COG6: variants seen among roughly 807,000 people sequenced by gnomAD.
COG6 encodes the protein conserved oligomeric Golgi complex subunit 6.
In COG6, 74 loss-of-function variants were observed where a neutral mutation model predicts 88.8. The observed-to-expected ratio is 0.83, with a 90% confidence interval of 0.69 to 1.01. COG6 has a LOEUF of 1.01. COG6 is among the 50% of genes least tolerant of loss of function. COG6 has a pLI of 0.00. For missense variants in COG6, 800 were observed against 797.9 expected (o/e 1.00, Z -0.03); for synonymous variants, 286 against 278.7 (o/e 1.03, Z -0.26).
chr13:39,756,374 G>C (rs191625625), downstream of COG6, among the ~76,000 whole-genome samples: 8 of 152,016 alleles, frequency 5.3e-5, no homozygotes, highest in Admixed American at 5.2e-4. Context: ...ATGAATGAAA[G>C]AAAATAGCCT....
At chr13:39,694,827 C>A in intron 12 of COG6, 102 bp downstream of exon 12, 1 of 648,916 alleles carries the variant, frequency 1.5e-6, no homozygotes, top group Non-Finnish European at 2.8e-6. Context: ...AGTAATTATA[C>A]ACTAAGTATA....
intron 13 of COG6, among the ~76,000 whole-genome samples, chr13:39,713,889 AGTTT>A (rs1365163406): frequency 2.0e-5 from 3 of 152,202 alleles, no homozygotes; most frequent in South Asian, 4.1e-4. Flanking sequence ...ATAGTCACAA[AGTTT>A]GTTTATCTGA....
chr13:39,686,207 G>A (rs138229922), intron 8 of COG6, among the ~76,000 whole-genome samples: 1,756 of 152,286 alleles, frequency 0.012, 12 homozygotes, highest in Non-Finnish European at 0.018. Context: ...TAGTATGGTA[G>A]AATACTGTTT....
chr13:39,720,536 TC>T (rs1217613303), intron 15 of COG6, among the ~76,000 whole-genome samples: 1 of 152,128 alleles, frequency 6.6e-6, no homozygotes, highest in Non-Finnish European at 1.5e-5. Flanking sequence ...ATTCATATTT[TC>T]TAATTTTTAA....
chr13:39,736,582 T>G (rs1879757372), intron 18 of COG6, among the ~76,000 whole-genome samples: 1 of 152,052 alleles, frequency 6.6e-6, no homozygotes, highest in African/African-American at 2.4e-5. Context: ...TCCCAGCTAC[T>G]CAGGAGACTG....
At chr13:39,684,422 T>C (rs1044422406) in intron 8 of COG6, among the ~76,000 whole-genome samples, 2 of 151,062 alleles carry the variant, frequency 1.3e-5, no homozygotes, top group African/African-American at 4.9e-5. Flanking sequence ...GCTAATTTTT[T>C]GTATTTTTTA....
chr13:39,732,320 C>A (rs910627587), intron 18 of COG6, among the ~76,000 whole-genome samples: 3 of 152,124 alleles, frequency 2.0e-5, no homozygotes, highest in African/African-American at 7.2e-5. Flanking sequence ...ACAAAACATA[C>A]ATACTTAAAG....
intron 4 of COG6, among the ~76,000 whole-genome samples, chr13:39,671,725 A>C (rs1875656068): frequency 6.6e-6 from 1 of 152,004 alleles, no homozygotes; most frequent in Non-Finnish European, 1.5e-5. Flanking sequence ...GTTTCAAAGA[A>C]AGTCTTGCTT....
chr13:39,743,297 A>G (rs1429189920), intron 18 of COG6, among the ~76,000 whole-genome samples: 1 of 152,230 alleles, frequency 6.6e-6, no homozygotes, highest in Non-Finnish European at 1.5e-5. Context: ...ACCCTTAAAA[A>G]AATCAATGAA....
chr13:39,730,458 G>C (rs1879371952), intron 18 of COG6, among the ~76,000 whole-genome samples: 1 of 151,932 alleles, frequency 6.6e-6, no homozygotes, highest in African/African-American at 2.4e-5. Context: ...TGAAAATATA[G>C]GGCATTTTAC....
chr13:39,757,535 A>G (rs1880877854), downstream of COG6, among the ~76,000 whole-genome samples: 1 of 152,098 alleles, frequency 6.6e-6, no homozygotes, highest in Non-Finnish European at 1.5e-5. Context: ...CTCTGAAAGG[A>G]TAGAAACATT....
At chr13:39,666,975 A>G (rs1214307561) in intron 4 of COG6, among the ~76,000 whole-genome samples, 1 of 152,200 alleles carries the variant, frequency 6.6e-6, no homozygotes, top group African/African-American at 2.4e-5. Context: ...CTTTCAAACC[A>G]TAGTTCATTG....
intron 18 of COG6, among the ~76,000 whole-genome samples, chr13:39,745,972 C>T (rs1409611183): frequency 6.6e-6 from 1 of 152,130 alleles, no homozygotes; most frequent in East Asian, 1.9e-4. Flanking sequence ...TCTAAGCACA[C>T]TGTCCCAAGG....
rs144690883 is a variant in COG6 at position 39,657,656 on chromosome 13, CAAAT to C, written c.154-1706_154-1703del. ...CAATCCAGCCAATATTTCAAAATAACAAATAGAAACATGAAAGGGTAAGCCTACT... is the reference window on the plus strand; with the variant it reads ...CAATCCAGCCAATATTTCAAAATAACAGAAACATGAAAGGGTAAGCCTACT... On this transcript the variant is annotated intron_variant, in intron 1 of 18. Transcript: ENST00000455146. Among the ~76,000 whole-genome samples the C allele has an allele frequency of 7.5e-3, 1,143 of 151,816 alleles. 11 individuals are homozygous for C. The highest frequency in any genetic ancestry group is 0.026 in the African/African-American group (1,078 of 41,340).
intron 18 of COG6, among the ~76,000 whole-genome samples, chr13:39,739,089 G>A (rs3012153): frequency 0.26 from 39,568 of 151,638 alleles, 5,199 homozygotes; most frequent in African/African-American, 0.28. Flanking sequence ...TTTTAAGTAC[G>A]GATAAAACAT....
intron 13 of COG6, among the ~76,000 whole-genome samples, chr13:39,707,475 G>A (rs1002721422): frequency 6.6e-6 from 1 of 152,154 alleles, no homozygotes; most frequent in African/African-American, 2.4e-5. Flanking sequence ...AAAGTATACA[G>A]TTAGTTGAAT....
At chr13:39,690,838 C>T (rs1470889292) in intron 11 of COG6, among the ~76,000 whole-genome samples, 1 of 151,600 alleles carries the variant, frequency 6.6e-6, no homozygotes, top group Non-Finnish European at 1.5e-5. Context: ...ACTTATTTCT[C>T]CCAAATGAAA....
Position 39,694,574 on chromosome 13 carries a change from T to A in COG6, c.1075-60T>A, listed in dbSNP as rs1459587631. On this transcript the variant is annotated intron_variant, in intron 11 of 18. Transcript: ENST00000455146. Reference sequence around the variant, plus strand: ...GTTATGCTATTCATACCATATGTTATTAATGAAAAAAAGTTATACTTTTAA... The same window carrying A: ...GTTATGCTATTCATACCATATGTTAATAATGAAAAAAAGTTATACTTTTAA... 5 of 1,021,576 alleles carry A rather than the reference T, an allele frequency of 4.9e-6. No homozygotes were observed. The Admixed American group carries it at 8.7e-5, about 18-fold the overall frequency. The allele number at this position is 1,021,576 out of a possible 1,614,324, so 63.3% of individuals were successfully genotyped here.
chr13:39,655,881 T>TA lies in COG6; in HGVS notation c.153+4dup. The TA allele has an allele frequency of 6.2e-7, 1 of 1,605,726 alleles. No homozygotes were observed. Among genetic ancestry groups the TA allele is most frequent in the Admixed American group, 1.7e-5 (1 of 59,312 alleles). ...GAGACGCGGCTGGACAACGACAAGG[T>TA]AACCGGGGCTGGCGGGGCCGGAGTC... On this transcript the variant is annotated splice_region_variant and intron_variant, in intron 1 of 18. Coordinates refer to ENST00000455146, the MANE Select transcript of COG6 (RefSeq NM_020751.3).
Sources: gnomAD v4.1 joint callset for allele counts (sites outside exome capture counted in the v4.1 genomes callset) on GRCh38, gnomAD v4.1.1 for gene constraint, MANE v1.5 for transcripts, NCBI Gene and HGNC (gene_info 2026-07-23, HGNC 2026-07-21) for gene names.